Variants in ITPR1 observed in about 807,000 individuals in gnomAD.
ITPR1 encodes inositol 1,4,5-trisphosphate receptor type 1.
ITPR1 carries 96 observed loss-of-function variants against 318.4 expected under a neutral mutation model. The ratio of observed to expected loss-of-function variants is 0.30; its 90% CI spans 0.26 to 0.36. ITPR1 has a LOEUF of 0.36. ITPR1 is among the 10% of genes least tolerant of loss of function. The pLI is 1.00. For synonymous variants in ITPR1, 1,312 were observed against 1,289.9 expected (o/e 1.02, Z -0.37); for missense variants, 2,440 against 3,460.2 (o/e 0.71, Z 7.40).
intron 4 of ITPR1, among the ~76,000 whole-genome samples, chr3:4,557,010 A>T (rs191718136): frequency 9.0e-4 from 137 of 152,346 alleles, no homozygotes; most frequent in African/African-American, 3.2e-3. Context: ...CTTTACAGAA[A>T]GGACAATGTA....
In ITPR1 at chr3:4,766,751, C is replaced by A. The variant is rs144390763; in HGVS notation, c.5725+41C>A. The A allele has an allele frequency of 1.0e-3, 1,459 of 1,444,500 alleles. 11 individuals are homozygous for A. The African/African-American group carries it at 0.018, about 18-fold the overall frequency. 89.5% of individuals were successfully genotyped at this position (1,444,500 alleles called of 1,614,324 possible). On this transcript the variant is annotated intron_variant, in intron 45 of 61. Coordinates refer to ENST00000649015, the MANE Select transcript of ITPR1 (RefSeq NM_001378452.1). ...TCTTCAGTCAGCTGGATCATGAACACCAGAAGAGTCCTTGTTATCCTTCAT... is the reference window on the plus strand; with the variant it reads ...TCTTCAGTCAGCTGGATCATGAACAACAGAAGAGTCCTTGTTATCCTTCAT...
At chr3:4,600,204 A>G (rs1008661482) in intron 4 of ITPR1, among the ~76,000 whole-genome samples, 4 of 152,152 alleles carry the variant, frequency 2.6e-5, no homozygotes, top group Non-Finnish European at 5.9e-5. Context: ...GCATTGTTTC[A>G]TTGCATACCA....
intron 44 of ITPR1, among the ~76,000 whole-genome samples, chr3:4,740,725 C>T (rs2043639136): frequency 6.6e-6 from 1 of 152,128 alleles, no homozygotes; most frequent in South Asian, 2.1e-4. Flanking sequence ...TCCCAGACTT[C>T]TCCTACCTGG....
intron 4 of ITPR1, among the ~76,000 whole-genome samples, chr3:4,550,559 T>A (rs1328806511): frequency 6.6e-6 from 1 of 152,206 alleles, no homozygotes; most frequent in Non-Finnish European, 1.5e-5. Context: ...TTAGGCCAGT[T>A]ATCTCCAAGT....
At chr3:4,743,748 G>A (rs148167938) in intron 44 of ITPR1, among the ~76,000 whole-genome samples, 2 of 152,320 alleles carry the variant, frequency 1.3e-5, no homozygotes, top group African/African-American at 2.4e-5. Flanking sequence ...AGGGGGAAGG[G>A]GGAGGGGAAG....
chr3:4,581,669 G>T (rs1461851282), intron 4 of ITPR1, among the ~76,000 whole-genome samples: 1 of 152,186 alleles, frequency 6.6e-6, no homozygotes, highest in East Asian at 1.9e-4. Flanking sequence ...GAAACCATTT[G>T]TGATGCAAAA....
chr3:4,776,691 T>C (rs2046507555), intron 47 of ITPR1, among the ~76,000 whole-genome samples: 1 of 152,244 alleles, frequency 6.6e-6, no homozygotes, highest in African/African-American at 2.4e-5. Context: ...GGAAAGGCTT[T>C]ATTTGACATC....
intron 13 of ITPR1, among the ~76,000 whole-genome samples, chr3:4,658,818 T>C (rs2093769414): frequency 6.6e-6 from 1 of 152,030 alleles, no homozygotes; most frequent in Non-Finnish European, 1.5e-5. Context: ...GGACTATAAA[T>C]AGGGAAACAA....
intron 2 of ITPR1, among the ~76,000 whole-genome samples, chr3:4,495,952 A>C (rs1425143763): frequency 2.0e-5 from 3 of 152,238 alleles, no homozygotes; most frequent in Non-Finnish European, 4.4e-5. Flanking sequence ...TTGATGTAAG[A>C]AGGAAAGGAT....
Position 4,624,624 on chromosome 3 carries a change from C to T in ITPR1, c.164-3139C>T, listed in dbSNP as rs563768411. ...GGCAGAGGTTACAGTGAGCCGAGAT[C>T]GTGCCACTGCACTCCAGCCTGGGCA... is the stretch of plus-strand genomic sequence containing the variant. On this transcript the variant is annotated intron_variant, in intron 4 of 61. Transcript: ENST00000649015. 6.4e-5 allele frequency among the ~76,000 whole-genome samples: 9 copies of T among 141,116 alleles called. No individual in the cohort carries two copies. The South Asian group carries it at 2.0e-3, about 31-fold the overall frequency. The allele number at this position is 141,116 out of a possible 152,430, so 92.6% of individuals were successfully genotyped here. A position where few individuals can be genotyped will look rare whatever the true frequency, so the allele number is the denominator to read the frequency against.
intron 4 of ITPR1, among the ~76,000 whole-genome samples, chr3:4,573,187 C>T (rs889293374): frequency 4.6e-5 from 7 of 152,222 alleles, no homozygotes; most frequent in Admixed American, 1.3e-4. Context: ...ACAGTTGTTT[C>T]GTTTTATAAT....
At chr3:4,644,911 T>C (rs1161661503) in intron 8 of ITPR1, among the ~76,000 whole-genome samples, 1 of 152,152 alleles carries the variant, frequency 6.6e-6, no homozygotes, top group Non-Finnish European at 1.5e-5. Context: ...TTAAAGGAGA[T>C]TGTGCGTGTT....
rs1250460581 is a variant in ITPR1, at chr3:4,639,436, T to C, written c.332T>C (p.Leu111Pro). 6.3e-7 allele frequency: 1 copy of C among 1,582,696 alleles called. No homozygotes were observed. The highest frequency in any genetic ancestry group is 8.6e-7 in the Non-Finnish European group (1 of 1,164,124). Residue 111 changes from leucine to proline, a missense_variant, in exon 6 of 62, where the codon CTG becomes CCG. Physicochemically the swap from Leu to Pro is moderately conservative, Grantham distance 98 (BLOSUM62 -3). This residue lies in a region of ITPR1 where 186 missense variants were observed against 323.9 expected (regional missense o/e 0.57). Coordinates refer to ENST00000649015, the MANE Select transcript of ITPR1 (RefSeq NM_001378452.1). ...KQNETENRKL[L>P]GTVIQYGNVI... is the part of the protein sequence containing the mutation. ...AATGAGACAGAAAACAGGAAATTGCTGGGGACCGTAATCCAGTATGGCAAT... is the reference window on the plus strand; with the variant it reads ...AATGAGACAGAAAACAGGAAATTGCCGGGGACCGTAATCCAGTATGGCAAT...
chr3:4,710,408 C>G lies in ITPR1; in HGVS notation c.4926C>G (p.Pro1642=). 6.4e-7 allele frequency: 1 copy of G among 1,557,988 alleles called. No homozygotes were observed. The highest frequency in any genetic ancestry group is 8.7e-7 in the Non-Finnish European group (1 of 1,150,162). ...LSVLVDVLHR[P]ELLFPENTDA... ...TGCTCGTGGATGTTCTCCACAGACC[C>G]GAGCTGCTTTTCCCAGAGAACACAG... Residue 1642 remains proline, a synonymous_variant, in exon 38 of 62, where the codon CCC becomes CCG. Coordinates refer to ENST00000649015, the MANE Select transcript of ITPR1 (RefSeq NM_001378452.1). The surrounding 1 kb of genome is among the most constrained non-coding windows in gnomAD (Gnocchi z 4.2).
At chr3:4,562,558 G>A (rs530716105) in intron 4 of ITPR1, among the ~76,000 whole-genome samples, 1 of 152,142 alleles carries the variant, frequency 6.6e-6, no homozygotes, top group South Asian at 2.1e-4. Context: ...TTATAGTAGG[G>A]ATCATTTAAA....
chr3:4,540,061 C>T (rs2084285383), intron 4 of ITPR1, among the ~76,000 whole-genome samples: 1 of 148,470 alleles, frequency 6.7e-6, no homozygotes. Flanking sequence ...TAAAAAAATT[C>T]TCACTGTGAC....
rs371821418 is a variant in ITPR1 at position 4,706,288 on chromosome 3, C to T, written c.4779C>T (p.Ala1593=). ...AMNWRLSARN[A]ARRDSVLAAS... ...ACTGGCGGCTCTCAGCCCGCAATGC[C>T]GCACGCAGGGACTCTGTTCTGGCAG... The change falls in exon 37 of 62, where the codon GCC becomes GCT. Residue 1593 remains alanine (A), a synonymous_variant. Coordinates refer to ENST00000649015, the MANE Select transcript of ITPR1 (RefSeq NM_001378452.1). The T allele has an allele frequency of 1.1e-5, 17 of 1,613,886 alleles. No individual in the cohort carries two copies. The highest frequency in any genetic ancestry group is 4.0e-5 in the African/African-American group (3 of 74,932).
intron 11 of ITPR1, 131 bp downstream of exon 11, chr3:4,652,349 T>G: frequency 1.5e-6 from 1 of 677,070 alleles, no homozygotes; most frequent in South Asian, 1.8e-5. Flanking sequence ...TTCCTCCTGT[T>G]TTTCTGTTTC....
intron 44 of ITPR1, among the ~76,000 whole-genome samples, chr3:4,757,345 C>T (rs1403438097): frequency 1.3e-5 from 2 of 152,132 alleles, no homozygotes; most frequent in South Asian, 2.1e-4. Context: ...TGTTTGGGAA[C>T]CCATATTAAC....
Sources: allele counts gnomAD v4.1 joint callset (sites outside exome capture counted in the v4.1 genomes callset), GRCh38; gene constraint gnomAD v4.1.1; regional missense constraint gnomAD v4.1.1; non-coding constraint Gnocchi (gnomAD v3.1); transcripts MANE v1.5; gene names NCBI Gene and HGNC (gene_info 2026-07-23, HGNC 2026-07-21).